Variants in KIF19 observed in about 807,000 individuals in gnomAD.
The protein encoded by KIF19 is kinesin family member 19.
A neutral mutation model predicts 106.6 loss-of-function variants in KIF19; 98 were observed. The observed-to-expected ratio is 0.92, with a 90% CI of 0.78 to 1.09. KIF19 has a LOEUF of 1.09. Among genes scored for constraint, KIF19 ranks in the 50% least tolerant of loss-of-function variants. The pLI is 0.00. For synonymous variants in KIF19, 516 were observed against 584.2 expected, an observed-to-expected ratio of 0.88 and a Z score of 1.68; for missense variants, 1,373 against 1,414.3, an observed-to-expected ratio of 0.97 and a Z score of 0.47.
In KIF19 at chr17:74,343,110, G is replaced by A. The variant is rs766022152; in HGVS notation, c.406G>A (p.Glu136Lys). The part of the protein sequence containing the change: ...QTLNDLFRAI[E>K]ETSNDMEYEV... ...CCTCAACGACCTCTTCCGTGCCATC[G>A]AGGAGACCAGCAATGACATGGAGTA... Residue 136 changes from glutamate (E) to lysine (K), a missense_variant, in exon 5 of 20, where the codon GAG becomes AAG. Glu to Lys is a moderately conservative substitution (Grantham distance 56). Around this residue, in one of 3 missense-constraint regions of KIF19, gnomAD observed 348 missense variants for 389.5 expected, o/e 0.89. Transcript: ENST00000389916. The A allele has an allele frequency of 9.3e-6, 15 of 1,613,050 alleles. No homozygotes were observed. Among genetic ancestry groups the A allele is most frequent in the Admixed American group, 1.7e-5 (1 of 59,988 alleles).
intron 2 of KIF19, among the ~76,000 whole-genome samples, chr17:74,330,276 G>T (rs2054040456): frequency 6.6e-6 from 1 of 152,230 alleles, no homozygotes; most frequent in South Asian, 2.1e-4. Context: ...GCTTCCAGGA[G>T]CTTCAGTTGC....
At chr17:74,349,683 C>G (rs552197430) in intron 10 of KIF19, among the ~76,000 whole-genome samples, 4 of 152,190 alleles carry the variant, frequency 2.6e-5, no homozygotes, top group Admixed American at 6.5e-5. Flanking sequence ...CCTGCACCCC[C>G]GGAATGGGCT....
chr17:74,336,347 C>T (rs557862613), intron 2 of KIF19, among the ~76,000 whole-genome samples: 8 of 152,206 alleles, frequency 5.3e-5, no homozygotes, highest in Non-Finnish European at 1.2e-4. Flanking sequence ...GCGTGAGCCA[C>T]CATGCCTGGC....
At chr17:74,342,105 C>G in intron 3 of KIF19, 119 bp downstream of exon 3, 1 of 713,104 alleles carries the variant, frequency 1.4e-6, no homozygotes, top group South Asian at 1.6e-5. Context: ...ACCTGCTCAC[C>G]CTCTGTTCCT....
rs1354215199 is a variant in KIF19, at chr17:74,353,447, C to T, written c.2221-47C>T. On this transcript the variant is annotated intron_variant, in intron 16 of 19. Transcript: ENST00000389916. ...TCTCTGCTGAGTGGGGCATGGGGTCCCTGCTGTGTTTAAGGGTTTCCTCCT... is the reference window on the plus strand; with the variant it reads ...TCTCTGCTGAGTGGGGCATGGGGTCTCTGCTGTGTTTAAGGGTTTCCTCCT... The T allele has an allele frequency of 5.1e-6, 8 of 1,564,106 alleles. No individual in the cohort carries two copies. The South Asian group carries it at 6.7e-5, about 13-fold the overall frequency.
chr17:74,350,984 C>G, intron 12 of KIF19, 79 bp downstream of exon 12: 1 of 1,456,602 alleles, frequency 6.9e-7, no homozygotes, highest in South Asian at 1.1e-5. Flanking sequence ...GCGGAGGGGC[C>G]AGGGTGGGGG....
rs1450821088 is a variant in KIF19, at chr17:74,352,144, C to A, written c.1858+7C>A. 2 of 1,583,484 alleles carry A rather than the reference C, an allele frequency of 1.3e-6. No individual in the cohort carries two copies. Among genetic ancestry groups the A allele is most frequent in the Non-Finnish European group, 8.6e-7 (1 of 1,162,238 alleles). On this transcript the variant is annotated splice_region_variant and intron_variant, in intron 13 of 19. Transcript: ENST00000389916. ...CAGCGGCAGATCATCGACGGTAGGG[C>A]CCACGCCCCCGCGCATCTGAGCCAC...
chr17:74,346,600 C>T lies in KIF19; in HGVS notation c.924+76C>T, dbSNP rs545786541. 3.7e-4 allele frequency: 523 copies of T among 1,400,296 alleles called. 1 individual carries two copies. The highest frequency in any genetic ancestry group is 4.8e-4 in the Non-Finnish European group (496 of 1,027,454). 86.7% of individuals were successfully genotyped at this position (1,400,296 alleles called of 1,614,324 possible). A position where few individuals can be genotyped will look rare whatever the true frequency, so the allele number is the denominator to read the frequency against. On this transcript the variant is annotated intron_variant, in intron 8 of 19. Coordinates refer to ENST00000389916, the MANE Select transcript of KIF19 (RefSeq NM_153209.4). This position sits in a 1 kb window ranked among gnomAD's most constrained non-coding sequence, Gnocchi z 4.6. ...AGATTAAACAAATGAAAATACAGGG[C>T]ACCCAGCTAAATTCCAACCTCAGGA...
intron 9 of KIF19, among the ~76,000 whole-genome samples, chr17:74,348,320 A>G (rs1445391777): frequency 6.6e-6 from 1 of 152,246 alleles, no homozygotes; most frequent in Non-Finnish European, 1.5e-5. Context: ...TGCGGTTCCC[A>G]TGTACAGATT....
At position 74,331,824 on chromosome 17, in the gene KIF19, G is replaced by A. The variant is rs1307934366; in HGVS notation, c.120+3319G>A. Among the ~76,000 whole-genome samples the A allele has an allele frequency of 6.6e-6, 1 of 152,046 alleles. No homozygotes were observed. Among genetic ancestry groups the A allele is most frequent in the Non-Finnish European group, 1.5e-5 (1 of 68,004 alleles). ...ACTCCTGACCTCAAGTGATACACCC[G>A]CCTCAGCCTCCCAAACTGTTGGGAT... is the stretch of plus-strand genomic sequence containing the variant. On this transcript the variant is annotated intron_variant, in intron 2 of 19. Coordinates refer to ENST00000389916, the MANE Select transcript of KIF19 (RefSeq NM_153209.4). The surrounding 1 kb of genome is among the most constrained non-coding windows in gnomAD (Gnocchi z 4.1).
Position 74,326,405 on chromosome 17 carries a change from C to A in KIF19, c.39+17C>A. ...CAACTCATGGTGAGACCCTTTTAGA[C>A]CCTCCTCCCCACCCCGCTCCGTGGT... On this transcript the variant is annotated intron_variant, in intron 1 of 19. Coordinates refer to ENST00000389916, the MANE Select transcript of KIF19 (RefSeq NM_153209.4). 6.2e-7 allele frequency: 1 copy of A among 1,610,998 alleles called. No homozygotes were observed. The highest frequency in any genetic ancestry group is 8.5e-7 in the Non-Finnish European group (1 of 1,178,072).
intron 2 of KIF19, among the ~76,000 whole-genome samples, chr17:74,339,943 C>T (rs1043082538): frequency 6.6e-6 from 1 of 152,178 alleles, no homozygotes; most frequent in African/African-American, 2.4e-5. Context: ...ATGGCAGAGT[C>T]ATGGGTGCGG....
At chr17:74,332,915 A>G (rs1263449640) in intron 2 of KIF19, among the ~76,000 whole-genome samples, 1 of 152,242 alleles carries the variant, frequency 6.6e-6, no homozygotes, top group Non-Finnish European at 1.5e-5. Context: ...CCTCATCAGA[A>G]GACAGGAGAA....
In KIF19 at chr17:74,351,750, C is replaced by T. The variant is rs980004862; in HGVS notation, c.1588-117C>T. The T allele has an allele frequency of 4.2e-6, 5 of 1,197,528 alleles. No homozygotes were observed. In the Admixed American group the frequency reaches 1.2e-4, roughly 29 times the overall value. 74.2% of individuals were successfully genotyped at this position (1,197,528 alleles called of 1,614,324 possible). A position where few individuals can be genotyped will look rare whatever the true frequency, so the allele number is the denominator to read the frequency against. ...AAGATTCAGCTTTTAGGGTTGGCCTCAGGCTGGAGCTCCAGACAGATGCCT... is the reference window on the plus strand; with the variant it reads ...AAGATTCAGCTTTTAGGGTTGGCCTTAGGCTGGAGCTCCAGACAGATGCCT... On this transcript the variant is annotated intron_variant, in intron 12 of 19. Coordinates refer to ENST00000389916, the MANE Select transcript of KIF19 (RefSeq NM_153209.4).
intron 2 of KIF19, among the ~76,000 whole-genome samples, chr17:74,333,176 C>G (rs1249757147): frequency 6.6e-6 from 1 of 152,146 alleles, no homozygotes. Context: ...CCTGGTTCCC[C>G]AAAGAGCTGA....
At chr17:74,332,192 GTGTGTGTGTGTGTGTGTT>G (rs1321722285) in intron 2 of KIF19, among the ~76,000 whole-genome samples, 44 of 58,494 alleles carry the variant, frequency 7.5e-4, no homozygotes, top group African/African-American at 2.5e-3. Flanking sequence ...GTGTGTGTGT[GTGTGTGTGTGTGTGTGTT>G]TGTGTGTGTG....
At chr17:74,348,040 G>C in intron 9 of KIF19, 141 bp downstream of exon 9, 1 of 1,070,140 alleles carries the variant, frequency 9.3e-7, no homozygotes, top group Non-Finnish European at 1.3e-6. Flanking sequence ...ATCGTCACCT[G>C]TACACTTTCC....
Position 74,351,848 on chromosome 17 carries a change from T to C in KIF19, c.1588-19T>C. The C allele has an allele frequency of 1.5e-6, 2 of 1,378,044 alleles. No homozygotes were observed. The highest frequency in any genetic ancestry group is 3.0e-5 in the East Asian group (1 of 33,248). 85.4% of individuals were successfully genotyped at this position (1,378,044 alleles called of 1,614,324 possible). A position where few individuals can be genotyped will look rare whatever the true frequency, so the allele number is the denominator to read the frequency against. On this transcript the variant is annotated intron_variant, in intron 12 of 19. Transcript: ENST00000389916. ...GACCCCTCTCCCCGCTGCCAGATGC[T>C]GACCTGCGCCTCCTGCAGCTGGCGC... is the stretch of plus-strand genomic sequence containing the variant.
chr17:74,353,029 A>G lies in KIF19; in HGVS notation c.2114+75A>G, dbSNP rs2054764113. 2.6e-6 allele frequency: 4 copies of G among 1,561,192 alleles called. No individual in the cohort carries two copies. In the Admixed American group the frequency reaches 7.0e-5, roughly 27 times the overall value. On this transcript the variant is annotated intron_variant, in intron 15 of 19. Transcript: ENST00000389916. ...AGAGGCCAACCCAGACTAAGGCTAAATGGGGAACACAGAGCAGCAATGAGA... is the reference window on the plus strand; with the variant it reads ...AGAGGCCAACCCAGACTAAGGCTAAGTGGGGAACACAGAGCAGCAATGAGA...
Sources: allele counts gnomAD v4.1 joint callset (sites outside exome capture counted in the v4.1 genomes callset), GRCh38; gene constraint gnomAD v4.1.1; regional missense constraint gnomAD v4.1.1; non-coding constraint Gnocchi (gnomAD v3.1); transcripts MANE v1.5; gene names NCBI Gene and HGNC (gene_info 2026-07-23, HGNC 2026-07-21).